The following MYO19 variants were observed in gnomAD, a reference collection of about 807,000 sequenced individuals.
The protein encoded by MYO19 is myosin XIX, also known as unconventional myosin-XIX.
In MYO19, 132 loss-of-function variants were observed where a neutral mutation model predicts 129.2. The observed-to-expected ratio is 1.02, with a 90% CI of 0.89 to 1.18. The LOEUF is 1.18. MYO19 is among the 50% of genes most tolerant of loss of function. The probability of loss-of-function intolerance (pLI) is 0.00; values close to 1 mark genes in which losing one functional copy is unlikely to be tolerated. For missense variants in MYO19, 1,210 were observed against 1,216.7 expected, an observed-to-expected ratio of 0.99 and a Z score of 0.08; for synonymous variants, 531 against 477.2, an observed-to-expected ratio of 1.11 and a Z score of -1.47.
chr17:36,522,511 A>C (rs1374303560), intron 6 of MYO19, among the ~76,000 whole-genome samples: 2 of 151,336 alleles, frequency 1.3e-5, no homozygotes, highest in Non-Finnish European at 2.9e-5. Flanking sequence ...ACTTGGTCAA[A>C]AAAAAGAAAA....
chr17:36,532,035 G>C (rs1026324488), intron 3 of MYO19, among the ~76,000 whole-genome samples: 1 of 152,030 alleles, frequency 6.6e-6, no homozygotes, highest in African/African-American at 2.4e-5. Context: ...AGAGACATGG[G>C]GATCATGTAA....
chr17:36,505,284 C>T lies in MYO19; in HGVS notation c.1905+13G>A, dbSNP rs73276774. The T allele has an allele frequency of 7.8e-4, 1,257 of 1,611,272 alleles. 12 individuals are homozygous for T. The African/African-American group carries it at 0.015, about 20-fold the overall frequency. ...GGTTTGGTGCGAAGCAGCTTTGGCC[C>T]GGTGTTAATTACCTCCTCTTGGAGA... is the stretch of plus-strand genomic sequence containing the variant. On this transcript the variant is annotated intron_variant, in intron 19 of 25. Coordinates refer to ENST00000614623, the MANE Select transcript of MYO19 (RefSeq NM_001163735.2).
intron 13 of MYO19, among the ~76,000 whole-genome samples, chr17:36,510,389 G>C (rs114939755): frequency 2.8e-4 from 43 of 152,364 alleles, no homozygotes; most frequent in African/African-American, 9.9e-4. Flanking sequence ...AGGATCTGAA[G>C]CAGGAACTGC....
chr17:36,499,160 G>A lies in MYO19; in HGVS notation c.2378C>T (p.Ala793Val). 6.2e-7 allele frequency: 1 copy of A among 1,601,456 alleles called. No individual in the cohort carries two copies. The highest frequency in any genetic ancestry group is 8.5e-7 in the Non-Finnish European group (1 of 1,173,280). ...TTTCCGAGTTAACCAGGAACGAATG[G>A]CTAAGAGGTTTGCCCAGAAACAGGA... ...QWRAVMLIQA[A>V]IRSWLTRKHI... Residue 793 changes from alanine (A) to valine (V), a missense_variant and splice_region_variant, in exon 24 of 26, where the codon GCC becomes GTC. Ala to Val is a moderately conservative substitution (Grantham distance 64). Coordinates refer to ENST00000614623, the MANE Select transcript of MYO19 (RefSeq NM_001163735.2).
chr17:36,512,838 G>A (rs1307456817), intron 11 of MYO19: 2 of 1,247,138 alleles, frequency 1.6e-6, no homozygotes, highest in Non-Finnish European at 2.1e-6. Flanking sequence ...ACAGAAGGGA[G>A]GCCCCCCTAG....
At chr17:36,507,717 A>T in intron 15 of MYO19, 86 bp downstream of exon 15, 1 of 1,458,054 alleles carries the variant, frequency 6.9e-7, no homozygotes, top group Non-Finnish European at 9.1e-7. Flanking sequence ...AAGGCTTCTA[A>T]TCAGAACCTG....
intron 19 of MYO19, 54 bp downstream of exon 19, chr17:36,505,243 G>A: frequency 6.8e-7 from 1 of 1,478,812 alleles, no homozygotes; most frequent in South Asian, 1.1e-5. Context: ...ATCTCTCCAG[G>A]GCCTTGGCCA....
rs578130717 is a variant in MYO19, at chr17:36,506,105, AAGTG to A, written c.1797+347_1797+350del. Among the ~76,000 whole-genome samples, 3 of 152,124 alleles carry A rather than the reference AAGTG, an allele frequency of 2.0e-5. No individual in the cohort carries two copies. The East Asian group carries it at 5.8e-4, about 29-fold the overall frequency. Reference sequence around the variant, plus strand: ...TGGTAGAAAGCAGACGATGTGAGAGAAGTGAGTGAGGGTAGGGTTAGAACAGGAA... The same window carrying A: ...TGGTAGAAAGCAGACGATGTGAGAGAAGTGAGGGTAGGGTTAGAACAGGAA... On this transcript the variant is annotated intron_variant, in intron 18 of 25. Transcript: ENST00000614623.
chr17:36,509,389 C>G (rs1355187451), intron 13 of MYO19: 1 of 560,650 alleles, frequency 1.8e-6, no homozygotes, highest in Non-Finnish European at 3.2e-6. Flanking sequence ...GAGCACAGGA[C>G]AAGCTCAGCT....
intron 2 of MYO19, chr17:36,533,338 C>G (rs975274679): frequency 6.6e-6 from 1 of 152,184 alleles, no homozygotes; most frequent in Non-Finnish European, 1.5e-5. Flanking sequence ...GGTGAACGGT[C>G]CAGTGTCAAC....
chr17:36,511,568 A>G (rs571755818), intron 11 of MYO19, 113 bp from the exon 12 acceptor site: 7 of 916,084 alleles, frequency 7.6e-6, no homozygotes, highest in Non-Finnish European at 1.2e-5. Context: ...GCTCCCAATC[A>G]TGGCCCAAGT....
At chr17:36,508,962 CT>C (rs1352279772) in intron 14 of MYO19, 99 bp downstream of exon 14, 4 of 1,002,012 alleles carry the variant, frequency 4.0e-6, no homozygotes, top group Admixed American at 4.1e-5. Flanking sequence ...GGGAAAGGAA[CT>C]GCCCAGAGTC....
upstream of MYO19, among the ~76,000 whole-genome samples, chr17:36,543,764 A>G (rs1379074507): frequency 1.3e-5 from 2 of 152,084 alleles, no homozygotes; most frequent in East Asian, 3.9e-4. Flanking sequence ...AGCTGGGATT[A>G]CAGGTACATG....
chr17:36,526,654 CGGCAGGTGGATCACTTGA>C (rs1715335294), intron 5 of MYO19, among the ~76,000 whole-genome samples: 1 of 151,946 alleles, frequency 6.6e-6, no homozygotes, highest in Admixed American at 6.6e-5. Flanking sequence ...TGGGAGGCTA[CGGCAGGTGGATCACTTGA>C]GGTCAGGAGT....
At position 36,500,947 on chromosome 17, in the gene MYO19, C is replaced by A; in HGVS notation, c.2260G>T (p.Glu754Ter). ...FMTDSMLELL[E>*]CGRARVLEQC... ...TCCAGCACCCGGGCACGCCCACATTCCAGAAGCTCCAGCTGGGAGAAAAGG... is the reference window on the plus strand; with the variant it reads ...TCCAGCACCCGGGCACGCCCACATTACAGAAGCTCCAGCTGGGAGAAAAGG... The change falls in exon 23 of 26, where the codon GAA (glutamate) becomes TAA (stop). Residue 754 changes from glutamate to a stop codon, truncating the protein, a stop_gained. Coordinates refer to ENST00000614623, the MANE Select transcript of MYO19 (RefSeq NM_001163735.2). LOFTEE classifies it high-confidence loss of function. 1.9e-6 allele frequency: 3 copies of A among 1,611,712 alleles called. No individual in the cohort carries two copies. Among genetic ancestry groups the A allele is most frequent in the Non-Finnish European group, 2.5e-6 (3 of 1,178,372 alleles).
At chr17:36,497,125 T>A (rs773418109) in intron 25 of MYO19, among the ~76,000 whole-genome samples, 14 of 151,362 alleles carry the variant, frequency 9.2e-5, no homozygotes, top group Non-Finnish European at 1.5e-4. Flanking sequence ...AGGTCAGGAG[T>A]TTGAGACCAG....
In MYO19 at chr17:36,495,937, A is replaced by T; in HGVS notation, c.*314T>A. On this transcript the variant is annotated 3_prime_UTR_variant, in exon 26 of 26. Coordinates refer to ENST00000614623, the MANE Select transcript of MYO19 (RefSeq NM_001163735.2). ...CCAAAAGTGCTTATGTGGAATTGGGATCCCCAGTGTAGTGACAGACAGTCA... is the reference window on the plus strand; with the variant it reads ...CCAAAAGTGCTTATGTGGAATTGGGTTCCCCAGTGTAGTGACAGACAGTCA... The T allele has an allele frequency of 9.5e-7, 1 of 1,047,908 alleles. No homozygotes were observed. Among genetic ancestry groups the T allele is most frequent in the Non-Finnish European group, 1.2e-6 (1 of 817,706 alleles). 64.9% of individuals were successfully genotyped at this position (1,047,908 alleles called of 1,614,324 possible).
intron 6 of MYO19, among the ~76,000 whole-genome samples, chr17:36,520,886 CT>C (rs372529382): frequency 2.5e-3 from 380 of 152,318 alleles, no homozygotes; most frequent in African/African-American, 8.3e-3. Context: ...GTTGGTGCCC[CT>C]AACCTCTGCA....
upstream of MYO19, chr17:36,535,152 G>A (rs926011444): frequency 3.3e-5 from 5 of 152,404 alleles, no homozygotes; most frequent in African/African-American, 1.2e-4. Context: ...TGGGCCTTCG[G>A]GCGACACCAG....
Sources: allele counts gnomAD v4.1 joint callset (sites outside exome capture counted in the v4.1 genomes callset), GRCh38; gene constraint gnomAD v4.1.1; transcripts MANE v1.5; gene names NCBI Gene and HGNC (gene_info 2026-07-23, HGNC 2026-07-21).